Variants in NCOA2 observed in about 807,000 individuals in gnomAD.
NCOA2 encodes the protein class E basic helix-loop-helix protein 75.
NCOA2 carries 21 observed loss-of-function variants against 145.1 expected under a neutral mutation model. The observed-to-expected ratio is 0.14, with a 90% confidence interval of 0.10 to 0.21. The LOEUF is 0.21. Among genes scored for constraint, NCOA2 ranks in the 10% least tolerant of loss-of-function variants. NCOA2 has a pLI of 1.00. For synonymous variants in NCOA2, 619 were observed against 637.5 expected (o/e 0.97, Z 0.44); for missense variants, 1,472 against 1,837.6 (o/e 0.80, Z 3.64).
intron 1 of NCOA2, among the ~76,000 whole-genome samples, chr8:70,302,707 T>C (rs1827599976): frequency 6.6e-6 from 1 of 152,218 alleles, no homozygotes; most frequent in African/African-American, 2.4e-5. Context: ...AGATGTTCTT[T>C]TGTTATTTCA....
At chr8:70,234,247 T>C (rs1254058475) in intron 2 of NCOA2, among the ~76,000 whole-genome samples, 1 of 152,256 alleles carries the variant, frequency 6.6e-6, no homozygotes, top group African/African-American at 2.4e-5. Context: ...AAATTTTGTT[T>C]ACCCATTACT....
chr8:70,378,698 T>A (rs1238827383), intron 1 of NCOA2, among the ~76,000 whole-genome samples: 3 of 138,788 alleles, frequency 2.2e-5, no homozygotes, highest in Non-Finnish European at 4.5e-5. Context: ...CAAATGAGAA[T>A]GCAAGTTATT....
At chr8:70,160,659 C>CAGACAG (rs1554578912) in intron 9 of NCOA2, among the ~76,000 whole-genome samples, 1 of 132,180 alleles carries the variant, frequency 7.6e-6, no homozygotes, top group African/African-American at 3.0e-5. Flanking sequence ...AAGTGAGAGA[C>CAGACAG]AGAGAGAGAG....
intron 1 of NCOA2, among the ~76,000 whole-genome samples, chr8:70,311,777 A>C (rs978343844): frequency 6.6e-6 from 1 of 152,180 alleles, no homozygotes; most frequent in Non-Finnish European, 1.5e-5. Flanking sequence ...CTCAGTGACA[A>C]AAGGAGAGAG....
At chr8:70,373,412 GTTGAT>G (rs544734231) in intron 1 of NCOA2, among the ~76,000 whole-genome samples, 143 of 152,194 alleles carry the variant, frequency 9.4e-4, no homozygotes, top group African/African-American at 3.1e-3. Flanking sequence ...TAAAAATCGG[GTTGAT>G]TTAAGTTATA....
chr8:70,270,797 A>G (rs1824989742), intron 2 of NCOA2, among the ~76,000 whole-genome samples: 1 of 152,226 alleles, frequency 6.6e-6, no homozygotes, highest in African/African-American at 2.4e-5. Flanking sequence ...ACACAAGGAA[A>G]ACGATTTTGA....
intron 20 of NCOA2, among the ~76,000 whole-genome samples, chr8:70,124,373 TA>T (rs1296540460): frequency 1.3e-5 from 2 of 151,672 alleles, no homozygotes; most frequent in African/African-American, 2.4e-5. Context: ...TTTTTTTTTT[TA>T]AAGTCTTTGC....
intron 1 of NCOA2, among the ~76,000 whole-genome samples, chr8:70,305,698 G>A (rs1342155344): frequency 6.6e-6 from 1 of 152,024 alleles, no homozygotes; most frequent in Non-Finnish European, 1.5e-5. Flanking sequence ...GTGTATAATA[G>A]GTATTCATAG....
chr8:70,317,275 C>T (rs974319120), intron 1 of NCOA2, among the ~76,000 whole-genome samples: 1 of 152,136 alleles, frequency 6.6e-6, no homozygotes, highest in East Asian at 1.9e-4. Flanking sequence ...CCAAAAGTCA[C>T]AACTTGACTG....
At chr8:70,450,026 C>A in the NCOA2 span, among the ~76,000 whole-genome samples, 2 of 151,976 alleles carry the variant, frequency 1.3e-5, no homozygotes, top group Non-Finnish European at 2.9e-5. Context: ...TTTTAGAAAC[C>A]TTTCTCCTTG....
intron 2 of NCOA2, among the ~76,000 whole-genome samples, chr8:70,261,801 C>T (rs1162228537): frequency 1.3e-5 from 2 of 151,908 alleles, no homozygotes; most frequent in Admixed American, 6.6e-5. Flanking sequence ...GATAAAACAG[C>T]GTATTACATA....
At chr8:70,209,681 T>C (rs1217461387) in intron 4 of NCOA2, among the ~76,000 whole-genome samples, 1 of 152,224 alleles carries the variant, frequency 6.6e-6, no homozygotes, top group East Asian at 1.9e-4. Context: ...CATATGCTTG[T>C]TATAGCACTT....
chr8:70,142,747 T>C (rs1585814056), intron 13 of NCOA2, among the ~76,000 whole-genome samples: 1 of 152,260 alleles, frequency 6.6e-6, no homozygotes, highest in East Asian at 1.9e-4. Flanking sequence ...TTAACACATA[T>C]TTTAAAAACC....
the NCOA2 span, among the ~76,000 whole-genome samples, chr8:70,451,545 A>G: frequency 6.6e-6 from 1 of 151,940 alleles, no homozygotes; most frequent in Non-Finnish European, 1.5e-5. Flanking sequence ...CTGTCCTTCA[A>G]TCTTGACCTT....
rs1586560166 is a variant in NCOA2 at position 70,347,037 on chromosome 8, A to G, written c.-76-50237T>C. On this transcript the variant is annotated intron_variant, in intron 1 of 22. Coordinates refer to ENST00000452400, the MANE Select transcript of NCOA2 (RefSeq NM_006540.4). ...TTTTCTTTAATGTGAACAAAATTCA[A>G]TCTCTTCTCTTTTAATCATCTTCAT... Among the ~76,000 whole-genome samples, 3 of 152,344 alleles carry G rather than the reference A, an allele frequency of 2.0e-5. No homozygotes were observed. The East Asian group carries it at 5.8e-4, about 29-fold the overall frequency.
chr8:70,138,321 A>G lies in NCOA2; in HGVS notation c.3040T>C (p.Leu1014=). ...SQVMNIGPSE[L]EMNMGGPQYS... ...TGAGGTCCCCCCATGTTCATCTCTA[A>G]TTCAGATGGCCCTAGAAAGGGAGAA... Residue 1014 remains leucine (L), a synonymous_variant, in exon 15 of 23, where the codon TTA becomes CTA. Coordinates refer to ENST00000452400, the MANE Select transcript of NCOA2 (RefSeq NM_006540.4). 1 of 1,609,174 alleles carries G rather than the reference A, an allele frequency of 6.2e-7. No individual in the cohort carries two copies. Among genetic ancestry groups the G allele is most frequent in the African/African-American group, 1.3e-5 (1 of 74,792 alleles).
At chr8:70,146,814 G>A (rs867449359) in intron 12 of NCOA2, among the ~76,000 whole-genome samples, 1 of 151,952 alleles carries the variant, frequency 6.6e-6, no homozygotes, top group African/African-American at 2.4e-5. Context: ...TCCTGCCTCA[G>A]CCTCCCGAGT....
At chr8:70,356,317 AAAAGAG>A (rs1331958336) in intron 1 of NCOA2, among the ~76,000 whole-genome samples, 1 of 152,182 alleles carries the variant, frequency 6.6e-6, no homozygotes, top group South Asian at 2.1e-4. Flanking sequence ...AAGAAAAAGA[AAAAGAG>A]AAAGAGTTGA....
At chr8:70,251,928 A>C (rs965772932) in intron 2 of NCOA2, among the ~76,000 whole-genome samples, 1 of 152,066 alleles carries the variant, frequency 6.6e-6, no homozygotes, top group African/African-American at 2.4e-5. Context: ...TGGTTCCAGG[A>C]CCTCCCATGG....
Sources: gnomAD v4.1 joint callset for allele counts (sites outside exome capture counted in the v4.1 genomes callset) on GRCh38, gnomAD v4.1.1 for gene constraint, MANE v1.5 for transcripts, NCBI Gene and HGNC (gene_info 2026-07-23, HGNC 2026-07-21) for gene names.